The following DIAPH2 variants were observed in gnomAD, a reference collection of about 807,000 sequenced individuals.
DIAPH2 encodes the protein protein diaphanous homolog 2.
A neutral mutation model predicts 92.7 loss-of-function variants in DIAPH2; 35 were observed. The ratio of observed to expected loss-of-function variants is 0.38; its 90% CI spans 0.29 to 0.50. The LOEUF (loss-of-function observed/expected upper bound fraction) is 0.50, where lower values mean the gene tolerates loss of function less well. Among genes scored for constraint, DIAPH2 ranks in the 20% least tolerant of loss-of-function variants. The probability of loss-of-function intolerance (pLI) is 0.94; values close to 1 mark genes in which losing one functional copy is unlikely to be tolerated. For missense variants in DIAPH2, 701 were observed against 819.5 expected (o/e 0.86, Z 1.77); for synonymous variants, 301 against 280.4 (o/e 1.07, Z -0.73).
chrX:96,692,031 A>C (rs767446927), intron 1 of DIAPH2, among the ~76,000 whole-genome samples: 1 of 112,340 alleles, frequency 8.9e-6, no homozygotes, highest in South Asian at 3.7e-4. Flanking sequence ...ATTTTAACCT[A>C]CCCTTAATTC....
At chrX:97,131,002 A>T (rs994622631) in intron 21 of DIAPH2, among the ~76,000 whole-genome samples, 1 of 110,364 alleles carries the variant, frequency 9.1e-6, no homozygotes, top group Non-Finnish European at 1.9e-5. Context: ...GCTACTCGGG[A>T]GGCTGAGGTA....
chrX:97,544,584 A>G (rs931804696), intron 26 of DIAPH2, among the ~76,000 whole-genome samples: 2 of 112,079 alleles, frequency 1.8e-5, no homozygotes, highest in African/African-American at 6.5e-5. Flanking sequence ...TCTGAAAGCT[A>G]AAAGCCTATA....
intron 24 of DIAPH2, among the ~76,000 whole-genome samples, chrX:97,362,422 A>G (rs2069334643): frequency 8.9e-6 from 1 of 112,345 alleles, no homozygotes; most frequent in African/African-American, 3.2e-5. Context: ...GTTCAATTAA[A>G]TAGTTTTTAA....
chrX:97,324,147 C>T (rs746028008), intron 23 of DIAPH2, among the ~76,000 whole-genome samples: 1 of 111,444 alleles, frequency 9.0e-6, no homozygotes, highest in African/African-American at 3.3e-5. Context: ...CTATGATATT[C>T]CCATTCGAGA....
chrX:97,208,048 A>G (rs1360075174), intron 22 of DIAPH2, among the ~76,000 whole-genome samples: 1 of 111,174 alleles, frequency 9.0e-6, no homozygotes, highest in East Asian at 2.9e-4. Flanking sequence ...GAGGCAAGAG[A>G]GTCACTTGAA....
chrX:97,366,173 A>T (rs1051140680), intron 24 of DIAPH2, among the ~76,000 whole-genome samples: 9 of 111,814 alleles, frequency 8.0e-5, no homozygotes, highest in Admixed American at 1.9e-4. Context: ...ATTGGTAACC[A>T]TGTTTGTAAT....
intron 22 of DIAPH2, among the ~76,000 whole-genome samples, chrX:97,193,766 A>G (rs2067675358): frequency 8.9e-6 from 1 of 112,278 alleles, no homozygotes; most frequent in Non-Finnish European, 1.9e-5. Context: ...ACAAAATATT[A>G]TATGACTCAA....
At position 96,953,888 on chromosome X, in the gene DIAPH2, G is replaced by A. The variant is rs1451538504; in HGVS notation, c.1615-3940G>A. On this transcript the variant is annotated intron_variant, in intron 15 of 26. Coordinates refer to ENST00000324765, the MANE Select transcript of DIAPH2 (RefSeq NM_006729.5). ...AATATGCCCATTGTTCTGGGATATA[G>A]CCTTCTGGAATTCCTACTAGTTCAG... is the stretch of plus-strand genomic sequence containing the variant. 2.7e-5 allele frequency: 3 copies of A among 111,873 alleles called. No homozygotes were observed. In the Admixed American group the frequency reaches 2.9e-4, roughly 11 times the overall value. 9.2% of individuals were successfully genotyped at this position (111,873 alleles called of 1,213,427 possible).
At chrX:96,884,072 C>T (rs1469965182) in intron 5 of DIAPH2, 2 of 356,211 alleles carry the variant, frequency 5.6e-6, no homozygotes, top group African/African-American at 2.6e-5. Context: ...ATTATGCGAT[C>T]AGGTGAGAAG....
At chrX:97,432,891 G>T (rs1022681749) in intron 26 of DIAPH2, among the ~76,000 whole-genome samples, 1 of 112,377 alleles carries the variant, frequency 8.9e-6, no homozygotes, top group Non-Finnish European at 1.9e-5. Flanking sequence ...CCAAATTGCT[G>T]GGAGTAGAGG....
intron 21 of DIAPH2, among the ~76,000 whole-genome samples, chrX:97,133,831 A>G (rs1892640071): frequency 8.9e-6 from 1 of 112,094 alleles, no homozygotes; most frequent in Non-Finnish European, 1.9e-5. Flanking sequence ...TACACCCACC[A>G]TAGTCTGATT....
At chrX:97,136,614 A>G (rs747641809) in intron 21 of DIAPH2, among the ~76,000 whole-genome samples, 2 of 111,805 alleles carry the variant, frequency 1.8e-5, no homozygotes, top group Admixed American at 9.5e-5. Context: ...TGGAATGGTT[A>G]TGACCATCTT....
rs777667792 is a variant in DIAPH2, at chrX:97,330,694, G to T, written c.2845-17422G>T. Among the ~76,000 whole-genome samples the T allele has an allele frequency of 6.4e-5, 7 of 110,140 alleles. No individual in the cohort carries two copies. The East Asian group carries it at 2.0e-3, about 32-fold the overall frequency. On this transcript the variant is annotated intron_variant, in intron 23 of 26. Coordinates refer to ENST00000324765, the MANE Select transcript of DIAPH2 (RefSeq NM_006729.5). ...CGCCCAGCTAACTTTCGTATTTTTA[G>T]TAGAGATGGGGTCTCACCATGTTGG... is the stretch of plus-strand genomic sequence containing the variant.
At chrX:97,284,699 A>G (rs886080065) in intron 23 of DIAPH2, among the ~76,000 whole-genome samples, 50 of 110,930 alleles carry the variant, frequency 4.5e-4, no homozygotes, top group African/African-American at 1.6e-3. Flanking sequence ...AACTATATGC[A>G]TCAGGCACAT....
chrX:97,316,991 C>A lies in DIAPH2; in HGVS notation c.2845-31125C>A, dbSNP rs180900874. 7.2e-3 allele frequency among the ~76,000 whole-genome samples: 797 copies of A among 111,277 alleles called. 9 individuals are homozygous for A. The highest frequency in any genetic ancestry group is 0.025 in the African/African-American group (770 of 30,698). ...TAGAAACCAGTGCAGGGTGTCTAGG[C>A]AAGATGAGAAAGCAAATTGCTTGGA... On this transcript the variant is annotated intron_variant, in intron 23 of 26. Coordinates refer to ENST00000324765, the MANE Select transcript of DIAPH2 (RefSeq NM_006729.5).
At chrX:96,798,927 G>A (rs6615865) in intron 4 of DIAPH2, among the ~76,000 whole-genome samples, 11,399 of 110,850 alleles carry the variant, frequency 0.1, 535 homozygotes, top group East Asian at 0.32. Context: ...GATCTTCAGT[G>A]GGTATTTATT....
intron 26 of DIAPH2, among the ~76,000 whole-genome samples, chrX:97,468,153 G>T (rs1176057053): frequency 9.0e-6 from 1 of 111,626 alleles, no homozygotes; most frequent in Non-Finnish European, 1.9e-5. Context: ...CCATCATATC[G>T]TCCATACAAG....
intron 22 of DIAPH2, among the ~76,000 whole-genome samples, chrX:97,228,678 C>G (rs1379967291): frequency 9.0e-6 from 1 of 111,270 alleles, no homozygotes; most frequent in Non-Finnish European, 1.9e-5. Flanking sequence ...AATAAAATCT[C>G]AAATAAAATT....
chrX:97,000,210 A>G (rs951702848), intron 17 of DIAPH2, among the ~76,000 whole-genome samples: 1 of 112,277 alleles, frequency 8.9e-6, no homozygotes, highest in Non-Finnish European at 1.9e-5. Context: ...GACAAACAAA[A>G]GAAAAAGACG....
Sources: gnomAD v4.1 joint callset for allele counts (sites outside exome capture counted in the v4.1 genomes callset) on GRCh38, gnomAD v4.1.1 for gene constraint, MANE v1.5 for transcripts, NCBI Gene and HGNC (gene_info 2026-07-23, HGNC 2026-07-21) for gene names.